HCN1: variants seen among roughly 807,000 people sequenced by gnomAD.
HCN1 encodes potassium/sodium hyperpolarization-activated cyclic nucleotide-gated channel 1.
In HCN1, 13 loss-of-function variants were observed where a neutral mutation model predicts 78.9. That is an observed-to-expected ratio of 0.16 (90% CI 0.11 to 0.26). The LOEUF is 0.26. Among genes scored for constraint, HCN1 ranks in the 10% least tolerant of loss-of-function variants. HCN1 has a pLI of 1.00. For synonymous variants in HCN1, 552 were observed against 455.5 expected, an observed-to-expected ratio of 1.21 and a Z score of -2.70; for missense variants, 810 against 1,154.3, an observed-to-expected ratio of 0.70 and a Z score of 4.32.
chr5:45,371,211 T>G (rs1475039928), intron 4 of HCN1, among the ~76,000 whole-genome samples: 1 of 151,680 alleles, frequency 6.6e-6, no homozygotes. Flanking sequence ...AAATCACAAC[T>G]AGAGGAATTA....
At position 45,417,190 on chromosome 5, in the gene HCN1, C is replaced by G. The variant is rs185380413; in HGVS notation, c.1012-20480G>C. On this transcript the variant is annotated intron_variant, in intron 3 of 7. Transcript: ENST00000303230. ...TTGTTTATTTTCAAGAGATAGCTCACGGTATCTATTGAAAGTTGACATTTT... is the reference window on the plus strand; with the variant it reads ...TTGTTTATTTTCAAGAGATAGCTCAGGGTATCTATTGAAAGTTGACATTTT... Among the ~76,000 whole-genome samples the G allele has an allele frequency of 1.0e-3, 158 of 152,004 alleles. 2 individuals are homozygous for G. The highest frequency in any genetic ancestry group is 6.8e-3 in the Middle Eastern group (2 of 294).
At chr5:45,687,229 C>A (rs1041690950) in intron 1 of HCN1, among the ~76,000 whole-genome samples, 4 of 152,044 alleles carry the variant, frequency 2.6e-5, no homozygotes, top group Non-Finnish European at 5.9e-5. Flanking sequence ...GTGTAATGAT[C>A]CTTGGACAGT....
At chr5:45,347,297 G>T (rs1309342942) in intron 5 of HCN1, among the ~76,000 whole-genome samples, 1 of 152,184 alleles carries the variant, frequency 6.6e-6, no homozygotes, top group Admixed American at 6.5e-5. Flanking sequence ...CAGACCTGCA[G>T]CTGAGGGTCC....
At chr5:45,694,175 C>T (rs922540574) in intron 1 of HCN1, among the ~76,000 whole-genome samples, 4 of 151,868 alleles carry the variant, frequency 2.6e-5, no homozygotes, top group African/African-American at 9.7e-5. Flanking sequence ...TGAACATTTT[C>T]TTTTTTTTAA....
intron 6 of HCN1, among the ~76,000 whole-genome samples, chr5:45,299,272 A>T (rs1342674871): frequency 6.6e-6 from 1 of 152,038 alleles, no homozygotes; most frequent in Non-Finnish European, 1.5e-5. Context: ...CCAACATACC[A>T]TAGCAATGAA....
chr5:45,626,498 A>T (rs1745166367), intron 2 of HCN1, among the ~76,000 whole-genome samples: 1 of 152,156 alleles, frequency 6.6e-6, no homozygotes, highest in Non-Finnish European at 1.5e-5. Flanking sequence ...ATATAAATAA[A>T]ACCATTCTAA....
intron 3 of HCN1, among the ~76,000 whole-genome samples, chr5:45,418,862 T>C (rs751988370): frequency 1.3e-5 from 2 of 152,200 alleles, no homozygotes; most frequent in African/African-American, 4.8e-5. Flanking sequence ...TGAAGATTTA[T>C]ATATAATTCT....
chr5:45,345,941 T>C (rs763662117), intron 5 of HCN1, among the ~76,000 whole-genome samples: 4 of 152,228 alleles, frequency 2.6e-5, no homozygotes, highest in Non-Finnish European at 4.4e-5. Context: ...AAATGAGTTA[T>C]TCATAAAGGA....
intron 5 of HCN1, among the ~76,000 whole-genome samples, chr5:45,311,039 G>A (rs1049407156): frequency 2.0e-5 from 3 of 152,058 alleles, no homozygotes; most frequent in Non-Finnish European, 4.4e-5. Flanking sequence ...ATAGAACCAA[G>A]AAAAGTAGCT....
intron 2 of HCN1, among the ~76,000 whole-genome samples, chr5:45,560,631 C>T (rs372736480): frequency 6.6e-6 from 1 of 151,930 alleles, no homozygotes; most frequent in East Asian, 1.9e-4. Flanking sequence ...ATCCTGTCCA[C>T]ATTATTTTCA....
At chr5:45,311,735 T>C (rs897128796) in intron 5 of HCN1, among the ~76,000 whole-genome samples, 4 of 152,318 alleles carry the variant, frequency 2.6e-5, no homozygotes, top group African/African-American at 4.8e-5. Flanking sequence ...AGGTTTCTCA[T>C]TGAAAATGCA....
rs1240585533 is a variant in HCN1 at position 45,261,601 on chromosome 5, T to C, written c.*320A>G. The C allele has an allele frequency of 3.6e-5, 7 of 195,820 alleles. No individual in the cohort carries two copies. The highest frequency in any genetic ancestry group is 5.3e-5 in the Non-Finnish European group (5 of 94,184). 12.1% of individuals were successfully genotyped at this position (195,820 alleles called of 1,614,324 possible). ...GAACTCTTCATAAAATAGAGAAATATACATATCAAAGGACTTAAGTAAAAG... is the reference window on the plus strand; with the variant it reads ...GAACTCTTCATAAAATAGAGAAATACACATATCAAAGGACTTAAGTAAAAG... On this transcript the variant is annotated 3_prime_UTR_variant, in exon 8 of 8. Coordinates refer to ENST00000303230, the MANE Select transcript of HCN1 (RefSeq NM_021072.4).
At chr5:45,291,924 A>C (rs571130573) in intron 6 of HCN1, among the ~76,000 whole-genome samples, 1 of 152,032 alleles carries the variant, frequency 6.6e-6, no homozygotes, top group Non-Finnish European at 1.5e-5. Flanking sequence ...AAATTATTTT[A>C]TGTATACATT....
chr5:45,657,644 C>T (rs893625317), intron 1 of HCN1, among the ~76,000 whole-genome samples: 1 of 152,120 alleles, frequency 6.6e-6, no homozygotes, highest in Non-Finnish European at 1.5e-5. Context: ...TTTACAATTG[C>T]TTCAAAGAGA....
rs182562454 is a variant in HCN1 at position 45,304,680 on chromosome 5, G to A, written c.1378-841C>T. 6.6e-4 allele frequency among the ~76,000 whole-genome samples: 100 copies of A among 151,992 alleles called. 1 individual carries two copies. In the East Asian group the frequency reaches 0.012, roughly 18 times the overall value. On this transcript the variant is annotated intron_variant, in intron 5 of 7. Transcript: ENST00000303230. ...ACACAGTGAGACTCTGTCTCAAAAA[G>A]ATTAAAAAAATAAAATTATAAATTC...
At chr5:45,291,018 T>C (rs1037466744) in intron 6 of HCN1, among the ~76,000 whole-genome samples, 2 of 152,096 alleles carry the variant, frequency 1.3e-5, no homozygotes, top group East Asian at 1.9e-4. Context: ...AAATGCTTCA[T>C]AAAACACAAT....
At chr5:45,430,977 G>C (rs1265359485) in intron 3 of HCN1, among the ~76,000 whole-genome samples, 3 of 152,104 alleles carry the variant, frequency 2.0e-5, no homozygotes, top group Non-Finnish European at 4.4e-5. Context: ...TAGGATTCCT[G>C]GGTCAAATTA....
At chr5:45,692,439 G>GT (rs1176844541) in intron 1 of HCN1, among the ~76,000 whole-genome samples, 1 of 152,116 alleles carries the variant, frequency 6.6e-6, no homozygotes, top group Non-Finnish European at 1.5e-5. Context: ...TTGTTTTTAA[G>GT]TAACTATCCC....
intron 1 of HCN1, among the ~76,000 whole-genome samples, chr5:45,657,803 T>C (rs1745804858): frequency 1.3e-5 from 2 of 152,124 alleles, no homozygotes; most frequent in African/African-American, 4.8e-5. Context: ...ATCATGAAAA[T>C]GGCCATACTG....
Sources: gnomAD v4.1 joint callset for allele counts (sites outside exome capture counted in the v4.1 genomes callset) on GRCh38, gnomAD v4.1.1 for gene constraint, MANE v1.5 for transcripts, NCBI Gene and HGNC (gene_info 2026-07-23, HGNC 2026-07-21) for gene names.